Variants in ADARB2 observed in about 807,000 individuals in gnomAD.
The protein encoded by ADARB2 is adenosine deaminase RNA specific B2 (inactive), also known as inactive double-stranded RNA-specific editase B2.
A neutral mutation model predicts 62.2 loss-of-function variants in ADARB2; 25 were observed. The ratio of observed to expected loss-of-function variants is 0.40; its 90% CI spans 0.29 to 0.56. The LOEUF is 0.56. Among genes scored for constraint, ADARB2 ranks in the 20% least tolerant of loss-of-function variants. ADARB2 has a pLI of 0.43. For synonymous variants in ADARB2, 572 were observed against 500.8 expected (o/e 1.14, Z -1.90); for missense variants, 1,071 against 1,077.4 (o/e 0.99, Z 0.08).
intron 3 of ADARB2, among the ~76,000 whole-genome samples, chr10:1,352,357 C>T (rs955350119): frequency 2.0e-5 from 3 of 152,278 alleles, no homozygotes; most frequent in Non-Finnish European, 2.9e-5. Flanking sequence ...TAGCTGACCC[C>T]GTAGATCCTA....
chr10:1,374,249 C>A (rs907767838), intron 2 of ADARB2, among the ~76,000 whole-genome samples: 2 of 152,168 alleles, frequency 1.3e-5, no homozygotes, highest in Non-Finnish European at 2.9e-5. Flanking sequence ...TTGATAAATA[C>A]CACAAGCCAG....
At chr10:1,217,164 C>G in intron 6 of ADARB2, 45 bp from the exon 7 acceptor site, 1 of 1,502,462 alleles carries the variant, frequency 6.7e-7, no homozygotes, top group Non-Finnish European at 8.9e-7. Context: ...GGGAAGCCGC[C>G]TTGGTTTTGG....
intron 1 of ADARB2, among the ~76,000 whole-genome samples, chr10:1,508,542 G>C (rs1831881471): frequency 6.6e-6 from 1 of 152,364 alleles, no homozygotes; most frequent in African/African-American, 2.4e-5. Context: ...CACTTCGGGA[G>C]ACCAAGGCCG....
intron 1 of ADARB2, among the ~76,000 whole-genome samples, chr10:1,638,402 A>G (rs147805524): frequency 2.6e-5 from 4 of 152,348 alleles, no homozygotes; most frequent in Non-Finnish European, 5.9e-5. Flanking sequence ...CAGAAATGGC[A>G]TTTATAAAAG....
chr10:1,406,679 G>A (rs1221575412), intron 1 of ADARB2, among the ~76,000 whole-genome samples: 1 of 152,218 alleles, frequency 6.6e-6, no homozygotes, highest in African/African-American at 2.4e-5. Flanking sequence ...CTTTGGCGGG[G>A]GAGCCCTGGC....
At chr10:1,489,391 T>A (rs1275317422) in intron 1 of ADARB2, among the ~76,000 whole-genome samples, 1 of 152,218 alleles carries the variant, frequency 6.6e-6, no homozygotes, top group Non-Finnish European at 1.5e-5. Context: ...TGGGAGCTTC[T>A]GCAATCAGGG....
chr10:1,655,699 C>CT (rs1454369774), intron 1 of ADARB2, among the ~76,000 whole-genome samples: 1 of 151,976 alleles, frequency 6.6e-6, no homozygotes, highest in Non-Finnish European at 1.5e-5. Context: ...CTGGAAATGC[C>CT]TTTTTATTAG....
At position 1,242,195 on chromosome 10, in the gene ADARB2, C is replaced by T. The variant is rs749880767; in HGVS notation, c.1297G>A (p.Ala433Thr). 9.3e-6 allele frequency: 15 copies of T among 1,610,244 alleles called. No homozygotes were observed. The highest frequency in any genetic ancestry group is 1.7e-5 in the Admixed American group (1 of 59,764). ...AACGCCCGCCGGGCCACGACCTCCGCGTGGCAGTCATTCACCACCAGCCCC... is the reference window on the plus strand; with the variant it reads ...AACGCCCGCCGGGCCACGACCTCCGTGTGGCAGTCATTCACCACCAGCCCC... The part of the protein sequence containing the change: ...DQGLVVNDCH[A>T]EVVARRAFLH... The change falls in exon 5 of 10, where the codon GCG becomes ACG. Residue 433 changes from alanine (A) to threonine (T), a missense_variant. Physicochemically the swap from Ala to Thr is moderately conservative, Grantham distance 58 (BLOSUM62 0). Coordinates refer to ENST00000381312, the MANE Select transcript of ADARB2 (RefSeq NM_018702.4).
At chr10:1,650,126 G>A (rs890969092) in intron 1 of ADARB2, among the ~76,000 whole-genome samples, 1 of 152,212 alleles carries the variant, frequency 6.6e-6, no homozygotes, top group Non-Finnish European at 1.5e-5. Context: ...TATGGTGGTG[G>A]TGTCTGCAAG....
At chr10:1,442,204 C>T (rs1830915795) in intron 1 of ADARB2, among the ~76,000 whole-genome samples, 2 of 152,114 alleles carry the variant, frequency 1.3e-5, no homozygotes, top group Admixed American at 1.3e-4. Flanking sequence ...AATAGTTTCC[C>T]TTTTTCCAAG....
chr10:1,337,062 C>CGG (rs1554755013), intron 3 of ADARB2, among the ~76,000 whole-genome samples: 10 of 142,150 alleles, frequency 7.0e-5, no homozygotes, highest in African/African-American at 2.7e-4. Flanking sequence ...TTAAAGATTT[C>CGG]TGTGTGTGTG....
At chr10:1,526,790 G>T (rs761065169) in intron 1 of ADARB2, 1 of 504,338 alleles carries the variant, frequency 2.0e-6, no homozygotes, top group Non-Finnish European at 4.1e-6. Context: ...AGCTGTTCCC[G>T]CCTCCTCCTG....
intron 1 of ADARB2, among the ~76,000 whole-genome samples, chr10:1,706,771 C>T (rs140041846): frequency 8.5e-5 from 13 of 152,268 alleles, no homozygotes; most frequent in East Asian, 3.9e-4. Context: ...CACACATTGA[C>T]GTGCTAATCA....
Position 1,736,675 on chromosome 10 carries a change from G to A in ADARB2, c.100+376C>T, listed in dbSNP as rs149995911. ...CGAGGGCTCGTTCCCCCGTTTTTGG[G>A]TAATTCCTTTGGCACTGGGAGACGA... On this transcript the variant is annotated intron_variant, in intron 1 of 9. Coordinates refer to ENST00000381312, the MANE Select transcript of ADARB2 (RefSeq NM_018702.4). 1.5e-3 allele frequency among the ~76,000 whole-genome samples: 225 copies of A among 152,276 alleles called. 1 individual carries two copies. Among genetic ancestry groups the A allele is most frequent in the African/African-American group, 4.5e-3 (185 of 41,566 alleles).
In ADARB2 at chr10:1,552,636, C is replaced by T. The variant is rs72764963; in HGVS notation, c.101-173476G>A. ...AGCCTTTTTCTGGCCTGGTCCTGCC[C>T]GGCACTCAGCGAGGGGCTGCCAAGG... On this transcript the variant is annotated intron_variant, in intron 1 of 9. Coordinates refer to ENST00000381312, the MANE Select transcript of ADARB2 (RefSeq NM_018702.4). 3.5e-3 allele frequency among the ~76,000 whole-genome samples: 525 copies of T among 150,986 alleles called. 13 individuals are homozygous for T. The highest frequency in any genetic ancestry group is 5.3e-3 in the Non-Finnish European group (356 of 67,712).
At chr10:1,635,695 T>C (rs1000477499) in intron 1 of ADARB2, among the ~76,000 whole-genome samples, 1 of 152,214 alleles carries the variant, frequency 6.6e-6, no homozygotes, top group Admixed American at 6.5e-5. Context: ...ACATTTCTCT[T>C]AGAGAATTTT....
At chr10:1,204,099 CA>C (rs1837019433) in intron 7 of ADARB2, among the ~76,000 whole-genome samples, 1 of 152,162 alleles carries the variant, frequency 6.6e-6, no homozygotes, top group African/African-American at 2.4e-5. Context: ...CTGGGGGTGA[CA>C]TTTCCCTTCC....
intron 3 of ADARB2, among the ~76,000 whole-genome samples, chr10:1,350,734 TATTCTC>T (rs1832128493): frequency 6.6e-6 from 1 of 152,142 alleles, no homozygotes; most frequent in South Asian, 2.1e-4. Flanking sequence ...AAGGTCATCT[TATTCTC>T]AATATACATT....
intron 1 of ADARB2, among the ~76,000 whole-genome samples, chr10:1,451,304 C>T (rs982016494): frequency 5.9e-5 from 9 of 152,344 alleles, no homozygotes; most frequent in African/African-American, 1.2e-4. Context: ...GACACAGGAG[C>T]GGTGTTTATC....
Sources: allele counts gnomAD v4.1 joint callset (sites outside exome capture counted in the v4.1 genomes callset), GRCh38; gene constraint gnomAD v4.1.1; transcripts MANE v1.5; gene names NCBI Gene and HGNC (gene_info 2026-07-23, HGNC 2026-07-21).